Variants in MAMLD1 observed in about 807,000 individuals in gnomAD.
The protein encoded by MAMLD1 is mastermind-like domain-containing protein 1.
MAMLD1 carries 14 observed loss-of-function variants against 45.0 expected under a neutral mutation model. The observed-to-expected ratio is 0.31, with a 90% CI of 0.21 to 0.49. The LOEUF (loss-of-function observed/expected upper bound fraction) is 0.49, where lower values mean the gene tolerates loss of function less well. MAMLD1 is among the 20% of genes least tolerant of loss of function. The pLI is 0.99. For synonymous variants in MAMLD1, 254 were observed against 247.8 expected (o/e 1.02, Z -0.24); for missense variants, 543 against 603.6 (o/e 0.90, Z 1.05).
At chrX:150,366,756 C>T (rs1344227162) in intron 1 of MAMLD1, among the ~76,000 whole-genome samples, 2 of 111,220 alleles carry the variant, frequency 1.8e-5, no homozygotes, top group Non-Finnish European at 3.8e-5. Flanking sequence ...GCCGCCCTGC[C>T]CTCTCCCGGT....
intron 1 of MAMLD1, among the ~76,000 whole-genome samples, chrX:150,412,323 C>T (rs782425700): frequency 1.8e-5 from 2 of 111,017 alleles, no homozygotes; most frequent in Admixed American, 1.9e-4. Context: ...ATTGTACCCC[C>T]ACCCCTCCAG....
chrX:150,440,790 T>G (rs1557404485), intron 1 of MAMLD1, among the ~76,000 whole-genome samples: 1 of 106,381 alleles, frequency 9.4e-6, no homozygotes. Flanking sequence ...ATGAAAGAAC[T>G]AGATTTGTAT....
intron 1 of MAMLD1, among the ~76,000 whole-genome samples, chrX:150,373,202 C>T (rs1446439348): frequency 9.0e-6 from 1 of 111,667 alleles, no homozygotes; most frequent in African/African-American, 3.3e-5. Context: ...CCAAGAGTAA[C>T]AGCCCTTTGG....
intron 3 of MAMLD1, among the ~76,000 whole-genome samples, chrX:150,465,611 C>T (rs2036191568): frequency 8.9e-6 from 1 of 112,337 alleles, no homozygotes; most frequent in Non-Finnish European, 1.9e-5. Flanking sequence ...TCACTCCCTC[C>T]CCCTTCCTCA....
intron 1 of MAMLD1, among the ~76,000 whole-genome samples, chrX:150,372,477 G>C (rs1466846402): frequency 3.6e-5 from 4 of 111,969 alleles, no homozygotes; most frequent in Non-Finnish European, 5.6e-5. Context: ...ACGTCACATG[G>C]TTTGCGTGTC....
chrX:150,494,838 T>G (rs781865492), intron 5 of MAMLD1, among the ~76,000 whole-genome samples: 55 of 110,823 alleles, frequency 5.0e-4, no homozygotes, highest in Non-Finnish European at 8.7e-4. Flanking sequence ...GAGCCGTGAT[T>G]GCACTACTGC....
At chrX:150,423,604 AAGAGAGAGAAAGAGAGAG>A (rs1557403675) in intron 1 of MAMLD1, among the ~76,000 whole-genome samples, 1 of 92,628 alleles carries the variant, frequency 1.1e-5, no homozygotes, top group Non-Finnish European at 2.3e-5. Context: ...TGCTTTCCAG[AAGAGAGAGAAAGAGAGAG>A]AGAGAGAGAG....
chrX:150,400,502 G>A (rs782656372), intron 1 of MAMLD1, among the ~76,000 whole-genome samples: 1 of 112,021 alleles, frequency 8.9e-6, no homozygotes, highest in Admixed American at 9.4e-5. Context: ...ATGTTGAATA[G>A]GAGTGGTGAG....
At chrX:150,391,827 C>T (rs2033192535) in intron 1 of MAMLD1, among the ~76,000 whole-genome samples, 1 of 111,623 alleles carries the variant, frequency 9.0e-6, no homozygotes, top group Non-Finnish European at 1.9e-5. Context: ...GGATGGTATT[C>T]AATTTTACTT....
chrX:150,455,207 A>C (rs868912547), intron 2 of MAMLD1, among the ~76,000 whole-genome samples: 21 of 112,534 alleles, frequency 1.9e-4, no homozygotes, highest in African/African-American at 6.1e-4. Flanking sequence ...TTCATAAGAA[A>C]GGGCTATATC....
intron 1 of MAMLD1, among the ~76,000 whole-genome samples, chrX:150,402,138 T>C (rs1301806344): frequency 1.8e-5 from 2 of 110,707 alleles, no homozygotes; most frequent in Non-Finnish European, 3.8e-5. Context: ...ACAGGCAACC[T>C]ACAAAATGGG....
chrX:150,427,999 G>A (rs1249748028), intron 1 of MAMLD1, among the ~76,000 whole-genome samples: 1 of 111,119 alleles, frequency 9.0e-6, no homozygotes, highest in African/African-American at 3.3e-5. Flanking sequence ...CAGGGTCCAT[G>A]GTCTGGGAGC....
rs1557406455 is a variant in MAMLD1, at chrX:150,471,015, G to A, written c.1442G>A (p.Arg481Gln). ...TTCACCCCACAGTGTTCCCTGATCC[G>A]AAGCCTCACTCCCACCAGTAATCTT... Reference protein sequence around the residue: ...QSFTPQCSLIRSLTPTSNLLS... With the variant: ...QSFTPQCSLIQSLTPTSNLLS... Residue 481 changes from arginine to glutamine, a missense_variant, in exon 4 of 8, where the codon CGA (arginine) becomes CAA (glutamine). Arg to Gln is a conservative substitution (Grantham distance 43). Transcript: ENST00000370401. 5.8e-6 allele frequency: 7 copies of A among 1,209,998 alleles called. No homozygotes were observed. The highest frequency in any genetic ancestry group is 5.3e-5 in the South Asian group (3 of 56,811).
chrX:150,468,282 C>T (rs2036287139), intron 3 of MAMLD1, among the ~76,000 whole-genome samples: 2 of 111,919 alleles, frequency 1.8e-5, no homozygotes, highest in Admixed American at 1.9e-4. Flanking sequence ...TGCCCCTCAT[C>T]GTGCTGGCAA....
intron 5 of MAMLD1, among the ~76,000 whole-genome samples, chrX:150,485,898 A>G (rs1302018510): frequency 1.8e-5 from 2 of 111,857 alleles, no homozygotes; most frequent in Non-Finnish European, 3.8e-5. Flanking sequence ...GCAGGCCCCA[A>G]GCTTCATCAT....
intron 1 of MAMLD1, among the ~76,000 whole-genome samples, chrX:150,402,299 C>T (rs1342464082): frequency 7.4e-5 from 8 of 108,296 alleles, no homozygotes; most frequent in African/African-American, 2.8e-4. Flanking sequence ...GACATTTATG[C>T]AGCCAAAAAA....
At chrX:150,406,644 G>A (rs944117876) in intron 1 of MAMLD1, among the ~76,000 whole-genome samples, 1 of 111,710 alleles carries the variant, frequency 9.0e-6, no homozygotes, top group Non-Finnish European at 1.9e-5. Flanking sequence ...CTGGGTTTGG[G>A]GCCCTTCATT....
intron 1 of MAMLD1, among the ~76,000 whole-genome samples, chrX:150,377,396 C>G (rs1409090119): frequency 8.8e-6 from 1 of 113,329 alleles, no homozygotes; most frequent in South Asian, 3.6e-4. Flanking sequence ...TTGACCAGTA[C>G]AGTACATGAC....
At chrX:150,494,857 C>T (rs1254713335) in intron 5 of MAMLD1, among the ~76,000 whole-genome samples, 1 of 109,674 alleles carries the variant, frequency 9.1e-6, no homozygotes, top group Non-Finnish European at 1.9e-5. Flanking sequence ...GCACTCCAGC[C>T]TGGGTGACCA....
Sources: allele counts gnomAD v4.1 joint callset (sites outside exome capture counted in the v4.1 genomes callset), GRCh38; gene constraint gnomAD v4.1.1; transcripts MANE v1.5; gene names NCBI Gene and HGNC (gene_info 2026-07-23, HGNC 2026-07-21).